Variants in DPP6 observed in about 807,000 individuals in gnomAD.
DPP6 encodes dipeptidyl peptidase like 6.
Under a neutral mutation model 122.6 loss-of-function variants are expected in DPP6, and 69 were observed. That is an observed-to-expected ratio of 0.56 (90% confidence interval 0.46 to 0.69). The LOEUF (loss-of-function observed/expected upper bound fraction) is 0.69, where lower values mean the gene tolerates loss of function less well. DPP6 is among the 30% of genes least tolerant of loss of function. The pLI is 0.00. For synonymous variants in DPP6, 418 were observed against 433.1 expected, an observed-to-expected ratio of 0.97 and a Z score of 0.43; for missense variants, 928 against 1,116.9, an observed-to-expected ratio of 0.83 and a Z score of 2.41.
At chr7:154,708,911 G>T (rs892514777) in intron 7 of DPP6, among the ~76,000 whole-genome samples, 2 of 152,048 alleles carry the variant, frequency 1.3e-5, no homozygotes, top group African/African-American at 4.8e-5. Flanking sequence ...AGCTGGGCAT[G>T]GTGGCACATG....
intron 1 of DPP6, among the ~76,000 whole-genome samples, chr7:154,168,920 G>A (rs575394582): frequency 6.6e-6 from 1 of 152,316 alleles, no homozygotes; most frequent in Admixed American, 6.5e-5. Flanking sequence ...AGAAAGGCAA[G>A]TTGATCAGGC....
chr7:153,827,762 A>G, the DPP6 span, among the ~76,000 whole-genome samples: 4 of 152,124 alleles, frequency 2.6e-5, no homozygotes, highest in Admixed American at 2.6e-4. Flanking sequence ...TCCCACCAGG[A>G]TGGCATCAGA....
chr7:154,514,200 C>T (rs539581297), intron 3 of DPP6, among the ~76,000 whole-genome samples: 11 of 152,090 alleles, frequency 7.2e-5, no homozygotes, highest in South Asian at 2.1e-4. Flanking sequence ...CCCTTGAACC[C>T]GGGAGGCAGA....
At chr7:154,809,152 T>A (rs1798878748) in intron 16 of DPP6, among the ~76,000 whole-genome samples, 1 of 152,118 alleles carries the variant, frequency 6.6e-6, no homozygotes, top group South Asian at 2.1e-4. Context: ...TGAGTTGTGA[T>A]ATGAAGGAGT....
Position 154,277,130 on chromosome 7 carries a change from A to C in DPP6, c.244-169084A>C, listed in dbSNP as rs76755425. Among the ~76,000 whole-genome samples the C allele has an allele frequency of 5.3e-3, 811 of 152,334 alleles. 9 individuals carry two copies. The highest frequency in any genetic ancestry group is 0.019 in the African/African-American group (793 of 41,572). ...GCAGAGTGCCGTCATGTTCAGACCC[A>C]GCTAGGAACATGTGTGTCAGGCAAC... On this transcript the variant is annotated intron_variant, in intron 1 of 25. Transcript: ENST00000377770.
chr7:154,418,129 T>C (rs999586159), intron 1 of DPP6, among the ~76,000 whole-genome samples: 18 of 152,224 alleles, frequency 1.2e-4, no homozygotes, highest in Admixed American at 7.9e-4. Context: ...TCCTCCAGCA[T>C]GCCATAGCAG....
intron 7 of DPP6, among the ~76,000 whole-genome samples, chr7:154,701,100 C>A (rs1057180346): frequency 2.0e-5 from 3 of 152,130 alleles, no homozygotes; most frequent in Non-Finnish European, 4.4e-5. Context: ...TCTGGTTGAC[C>A]CATTTCCTAT....
intron 1 of DPP6, among the ~76,000 whole-genome samples, chr7:154,246,156 A>C (rs531319783): frequency 6.0e-4 from 91 of 152,328 alleles, no homozygotes; most frequent in African/African-American, 2.1e-3. Context: ...TCATGGGTCA[A>C]AGAAAGTACA....
In DPP6 at chr7:154,211,867, T is replaced by C. The variant is rs182784924; in HGVS notation, c.243+158804T>C. Among the ~76,000 whole-genome samples the C allele has an allele frequency of 1.5e-4, 23 of 152,276 alleles. No individual in the cohort carries two copies. In the East Asian group the frequency reaches 4.3e-3, roughly 28 times the overall value. On this transcript the variant is annotated intron_variant, in intron 1 of 25. Coordinates refer to ENST00000377770, the MANE Select transcript of DPP6 (RefSeq NM_130797.4). ...TCCACACAGGGAAGGGACAGCCTTG[T>C]CTTGAGGCCTTTCATGCTGAATCTA...
chr7:154,885,545 T>G, intron 21 of DPP6, 88 bp from the exon 22 acceptor site: 1 of 1,499,108 alleles, frequency 6.7e-7, no homozygotes, highest in Middle Eastern at 1.7e-4. Context: ...TGGAACTGGC[T>G]GCTCTGGGGC....
intron 1 of DPP6, among the ~76,000 whole-genome samples, chr7:154,153,433 C>T (rs1157175807): frequency 2.0e-5 from 3 of 152,202 alleles, no homozygotes; most frequent in Admixed American, 6.5e-5. Flanking sequence ...GCGATCTGCC[C>T]ACCTCGGCCT....
chr7:154,797,557 G>T (rs1455283414), intron 12 of DPP6, among the ~76,000 whole-genome samples: 1 of 152,044 alleles, frequency 6.6e-6, no homozygotes, highest in East Asian at 1.9e-4. Context: ...CTACCTTATT[G>T]TACAATTCCA....
At chr7:153,971,700 A>C (rs938884330) in intron 1 of DPP6, among the ~76,000 whole-genome samples, 12 of 142,404 alleles carry the variant, frequency 8.4e-5, no homozygotes, top group African/African-American at 3.1e-4. Context: ...GTGTTTGTTC[A>C]TTTCACACTC....
intron 1 of DPP6, among the ~76,000 whole-genome samples, chr7:154,132,281 T>C (rs1247117600): frequency 6.6e-6 from 1 of 152,200 alleles, no homozygotes; most frequent in Non-Finnish European, 1.5e-5. Context: ...TCGCTAAATA[T>C]ATACAAATCA....
At chr7:154,402,769 G>T (rs137855528) in intron 1 of DPP6, among the ~76,000 whole-genome samples, 3,348 of 149,446 alleles carry the variant, frequency 0.022, 46 homozygotes, top group Non-Finnish European at 0.032. Flanking sequence ...TTAAAAAAAA[G>T]AAAAAAATAA....
chr7:154,184,327 G>T (rs1563290068), intron 1 of DPP6, among the ~76,000 whole-genome samples: 1 of 151,902 alleles, frequency 6.6e-6, no homozygotes, highest in Non-Finnish European at 1.5e-5. Flanking sequence ...AGGTCAGGGG[G>T]ATCCGCTGGC....
chr7:153,809,365 G>A, the DPP6 span, among the ~76,000 whole-genome samples: 1 of 150,760 alleles, frequency 6.6e-6, no homozygotes, highest in African/African-American at 2.5e-5. Flanking sequence ...CCTTTGCTCA[G>A]TTCTACATCA....
the DPP6 span, among the ~76,000 whole-genome samples, chr7:153,817,262 G>C: frequency 6.8e-6 from 1 of 148,120 alleles, no homozygotes; most frequent in African/African-American, 2.5e-5. Context: ...CAGGCAGCAG[G>C]TGCATTTCAT....
At chr7:153,749,328 G>T in the DPP6 span, among the ~76,000 whole-genome samples, 1 of 152,130 alleles carries the variant, frequency 6.6e-6, no homozygotes, top group African/African-American at 2.4e-5. This position sits in a 1 kb window ranked among gnomAD's most constrained non-coding sequence, Gnocchi z 4.1. Flanking sequence ...CCATGATTGC[G>T]AGGCTTTCGG....
Sources: allele counts gnomAD v4.1 joint callset (sites outside exome capture counted in the v4.1 genomes callset), GRCh38; gene constraint gnomAD v4.1.1; non-coding constraint Gnocchi (gnomAD v3.1); transcripts MANE v1.5; gene names NCBI Gene and HGNC (gene_info 2026-07-23, HGNC 2026-07-21).